SHANK2: variants seen among roughly 807,000 people sequenced by gnomAD.
SHANK2 encodes SH3 and multiple ankyrin repeat domains protein 2.
SHANK2 carries 43 observed loss-of-function variants against 133.7 expected under a neutral mutation model. The ratio of observed to expected loss-of-function variants is 0.32; its 90% CI spans 0.25 to 0.41. The LOEUF (loss-of-function observed/expected upper bound fraction) is 0.41, where lower values mean the gene tolerates loss of function less well. Ranked by LOEUF, SHANK2 falls within the 10% of genes least tolerant of loss-of-function variation. The pLI is 1.00. For synonymous variants in SHANK2, 1,017 were observed against 952.8 expected, an observed-to-expected ratio of 1.07 and a Z score of -1.24; for missense variants, 1,994 against 2,235.8, an observed-to-expected ratio of 0.89 and a Z score of 2.18.
intron 10 of SHANK2, among the ~76,000 whole-genome samples, chr11:70,924,960 A>G (rs1416642055): frequency 6.6e-6 from 1 of 152,138 alleles, no homozygotes; most frequent in African/African-American, 2.4e-5. Context: ...CTCCCTTCCC[A>G]TCACCATCCG....
chr11:70,585,832 A>G, intron 17 of SHANK2, among the ~76,000 whole-genome samples: 1 of 35,524 alleles, frequency 2.8e-5, no homozygotes, highest in Non-Finnish European at 5.8e-5. Flanking sequence ...TTGCTCACCC[A>G]CCCACCCACC....
chr11:71,129,705 G>A (rs1952261409), intron 3 of SHANK2, among the ~76,000 whole-genome samples: 2 of 152,174 alleles, frequency 1.3e-5, no homozygotes, highest in African/African-American at 4.8e-5. Context: ...TGGTTCACAT[G>A]AGTTACAAGT....
chr11:71,183,900 G>C (rs1555114131), intron 2 of SHANK2, among the ~76,000 whole-genome samples: 1 of 152,180 alleles, frequency 6.6e-6, no homozygotes, highest in Non-Finnish European at 1.5e-5. Context: ...TAGGGGGAGA[G>C]GTTGGACCAC....
In SHANK2 at chr11:70,486,656, T is replaced by C; in HGVS notation, c.3637A>G (p.Ser1213Gly). 6.2e-7 allele frequency: 1 copy of C among 1,612,254 alleles called. No individual in the cohort carries two copies. The highest frequency in any genetic ancestry group is 1.1e-5 in the South Asian group (1 of 91,078). Residue 1213 changes from serine to glycine, a missense_variant, in exon 25 of 26, where the codon AGC becomes GGC. This residue lies in a region of SHANK2 where 797 missense variants were observed against 907.4 expected (regional missense o/e 0.88). Coordinates refer to ENST00000601538, the MANE Select transcript of SHANK2 (RefSeq NM_012309.5). The surrounding 1 kb of genome is among the most constrained non-coding windows in gnomAD (Gnocchi z 8.0). Reference sequence around the variant, plus strand: ...GAGAGTGCCAGGGCCAGCGGGGAGCTGGGATCAAGCAGCCGCCCTGTGAGT... The same window carrying C: ...GAGAGTGCCAGGGCCAGCGGGGAGCCGGGATCAAGCAGCCGCCCTGTGAGT... ...HPLTGRLLDP[S>G]SPLALALSAR...
chr11:70,530,492 T>A (rs574773556), intron 17 of SHANK2, among the ~76,000 whole-genome samples: 2 of 152,238 alleles, frequency 1.3e-5, no homozygotes, highest in African/African-American at 2.4e-5. Flanking sequence ...GCTATGATCA[T>A]ACCACTGCAC....
At chr11:70,840,817 T>C (rs1331722746) in intron 11 of SHANK2, among the ~76,000 whole-genome samples, 2 of 152,166 alleles carry the variant, frequency 1.3e-5, no homozygotes, top group Non-Finnish European at 2.9e-5. Context: ...GGGGTTCTCA[T>C]GCTGCAGCCA....
At chr11:71,111,444 G>C (rs1473726825) in intron 5 of SHANK2, among the ~76,000 whole-genome samples, 3 of 152,220 alleles carry the variant, frequency 2.0e-5, no homozygotes, top group African/African-American at 4.8e-5. Context: ...AACTTTCCCA[G>C]CCTCTGCCAG....
chr11:71,237,277 A>C (rs1352520447), intron 1 of SHANK2, among the ~76,000 whole-genome samples: 2 of 152,172 alleles, frequency 1.3e-5, no homozygotes, highest in African/African-American at 4.8e-5. Flanking sequence ...CCATGAGCTA[A>C]ATAAATCAGG....
intron 8 of SHANK2, among the ~76,000 whole-genome samples, chr11:71,090,063 G>C (rs1364080258): frequency 6.6e-6 from 1 of 150,788 alleles, no homozygotes; most frequent in East Asian, 2.0e-4. Flanking sequence ...GGATATATCA[G>C]TCAGGGTTCT....
intron 17 of SHANK2, chr11:70,603,199 A>G (rs1366660693): frequency 6.6e-6 from 1 of 152,294 alleles, no homozygotes; most frequent in African/African-American, 2.4e-5. Flanking sequence ...CTTCCATGAC[A>G]TGGGGAGAAA....
intron 12 of SHANK2, among the ~76,000 whole-genome samples, chr11:70,819,350 G>A (rs1009708775): frequency 6.6e-6 from 1 of 152,252 alleles, no homozygotes; most frequent in African/African-American, 2.4e-5. Flanking sequence ...CTGTACCCAT[G>A]AGAATGTGGA....
intron 17 of SHANK2, among the ~76,000 whole-genome samples, chr11:70,549,422 G>C (rs2059736716): frequency 6.6e-6 from 1 of 152,226 alleles, no homozygotes; most frequent in Non-Finnish European, 1.5e-5. Context: ...GGCCGAGAAA[G>C]GTGCTCCTCT....
chr11:70,647,816 A>G (rs1205508348), intron 17 of SHANK2, among the ~76,000 whole-genome samples: 1 of 152,158 alleles, frequency 6.6e-6, no homozygotes, highest in Non-Finnish European at 1.5e-5. Context: ...CTCAGCACTC[A>G]CTGAACACCC....
rs568994399 is a variant in SHANK2 at position 71,200,018 on chromosome 11, A to T, written c.-13+24679T>A. Among the ~76,000 whole-genome samples, 5 of 152,358 alleles carry T rather than the reference A, an allele frequency of 3.3e-5. No individual in the cohort carries two copies. In the South Asian group the frequency reaches 1.0e-3, roughly 32 times the overall value. On this transcript the variant is annotated intron_variant, in intron 2 of 25. Coordinates refer to ENST00000601538, the MANE Select transcript of SHANK2 (RefSeq NM_012309.5). Reference sequence around the variant, plus strand: ...ATAAAATTCACATAACATAGAATTTACCACTTTAAAGTATTTAATGGTTTT... The same window carrying T: ...ATAAAATTCACATAACATAGAATTTTCCACTTTAAAGTATTTAATGGTTTT...
chr11:70,786,158 G>A (rs1329116621), intron 14 of SHANK2, among the ~76,000 whole-genome samples: 4 of 152,148 alleles, frequency 2.6e-5, no homozygotes, highest in Admixed American at 6.5e-5. Context: ...TATAAATGAC[G>A]GGGCAATAAA....
At chr11:70,677,169 C>G (rs770166033) in intron 15 of SHANK2, among the ~76,000 whole-genome samples, 2 of 152,216 alleles carry the variant, frequency 1.3e-5, no homozygotes, top group Non-Finnish European at 2.9e-5. Flanking sequence ...CCAAGGCCCA[C>G]GGTCTGGTCT....
intron 10 of SHANK2, among the ~76,000 whole-genome samples, chr11:70,936,569 C>T (rs534527777): frequency 1.0e-3 from 152 of 152,228 alleles, no homozygotes; most frequent in African/African-American, 3.2e-3. Flanking sequence ...AGGCAACAGG[C>T]AAAAGAAGCA....
At chr11:71,242,603 C>T (rs868984375) in intron 1 of SHANK2, among the ~76,000 whole-genome samples, 6 of 152,174 alleles carry the variant, frequency 3.9e-5, no homozygotes, top group African/African-American at 1.2e-4. Context: ...CCTTTCCTCC[C>T]ACACTACATC....
intron 9 of SHANK2, among the ~76,000 whole-genome samples, chr11:71,064,826 T>A (rs989104423): frequency 6.6e-6 from 1 of 152,004 alleles, no homozygotes; most frequent in Admixed American, 6.6e-5. Flanking sequence ...GGGGAGCAGC[T>A]GCCACACTGG....
Sources: allele counts gnomAD v4.1 joint callset (sites outside exome capture counted in the v4.1 genomes callset), GRCh38; gene constraint gnomAD v4.1.1; regional missense constraint gnomAD v4.1.1; non-coding constraint Gnocchi (gnomAD v3.1); transcripts MANE v1.5; gene names NCBI Gene and HGNC (gene_info 2026-07-23, HGNC 2026-07-21).